The following DGLUCY variants were observed in gnomAD, a reference collection of about 807,000 sequenced individuals.
DGLUCY encodes D-glutamate cyclase, also known as D-glutamate cyclase, mitochondrial.
DGLUCY carries 58 observed loss-of-function variants against 58.5 expected under a neutral mutation model. The observed-to-expected ratio is 0.99, with a 90% CI of 0.80 to 1.23. DGLUCY has a LOEUF of 1.23. DGLUCY is among the 50% of genes most tolerant of loss of function. The pLI, the probability that DGLUCY is intolerant of heterozygous loss-of-function variation, is 0.00. For missense variants in DGLUCY, 779 were observed against 784.7 expected (o/e 0.99, Z 0.09); for synonymous variants, 325 against 314.1 (o/e 1.03, Z -0.37).
chr14:91,081,245 A>G (rs1011645528), intron 1 of DGLUCY, among the ~76,000 whole-genome samples: 5 of 152,324 alleles, frequency 3.3e-5, no homozygotes, highest in Middle Eastern at 3.4e-3. Context: ...GAGAATAATA[A>G]TGAGTAAGCC....
chr14:91,217,841 T>G (rs1270476788), intron 13 of DGLUCY, among the ~76,000 whole-genome samples: 1 of 152,144 alleles, frequency 6.6e-6, no homozygotes, highest in Non-Finnish European at 1.5e-5. Context: ...CCCTTTTTCC[T>G]TCTGTCTGTC....
chr14:91,116,176 T>TA lies in DGLUCY; in HGVS notation c.-82+1903dup, dbSNP rs539712961. 6.8e-4 allele frequency among the ~76,000 whole-genome samples: 102 copies of TA among 149,360 alleles called. No individual in the cohort carries two copies. In the South Asian group the frequency reaches 7.6e-3, roughly 11 times the overall value. ...CCAAGTTGCTAGAGGGTATTTGCAT[T>TA]AAAAAAAAAAGTTTATTTTCTTATT... On this transcript the variant is annotated intron_variant, in intron 1 of 13. Transcript: ENST00000256324.
intron 1 of DGLUCY, among the ~76,000 whole-genome samples, chr14:91,121,444 G>A (rs539285262): frequency 6.6e-6 from 1 of 151,936 alleles, no homozygotes; most frequent in Non-Finnish European, 1.5e-5. Flanking sequence ...ATCTCAGCAC[G>A]TTGGGAGGCC....
intron 8 of DGLUCY, among the ~76,000 whole-genome samples, chr14:91,185,035 T>A (rs2049415852): frequency 6.6e-6 from 1 of 151,942 alleles, no homozygotes; most frequent in Admixed American, 6.6e-5. Flanking sequence ...TGGTGTGATC[T>A]TGGCTCATTG....
In DGLUCY at chr14:91,160,314, T is replaced by C. The variant is rs915981144; in HGVS notation, c.20T>C (p.Leu7Pro). The C allele has an allele frequency of 6.2e-6, 10 of 1,611,460 alleles. No homozygotes were observed. The African/African-American group carries it at 1.3e-4, about 22-fold the overall frequency. Residue 7 changes from leucine to proline, a missense_variant, in exon 3 of 14, where the codon CTG (leucine) becomes CCG (proline). Physicochemically the swap from Leu to Pro is moderately conservative, Grantham distance 98 (BLOSUM62 -3). Coordinates refer to ENST00000256324, the MANE Select transcript of DGLUCY (RefSeq NM_001102368.3). ...GACACGATGCCCTTCACACTCCACC[T>C]GAGGTCCCGCCTTCCCTCTGCCATA... MPFTLH[L>P]RSRLPSAIRS...
In DGLUCY at chr14:91,122,609, T is replaced by TTTTG. The variant is rs1178953754; in HGVS notation, c.-82+8329_-82+8330insGTTT. On this transcript the variant is annotated intron_variant, in intron 1 of 13. Coordinates refer to ENST00000256324, the MANE Select transcript of DGLUCY (RefSeq NM_001102368.3). ...CTATAATAAAAGAAAAAAGTTTTTT[T>TTTTG]TTTTTTTTTTTGAGATAGAGTCTCA... Among the ~76,000 whole-genome samples, 31 of 133,568 alleles carry TTTTG rather than the reference T, an allele frequency of 2.3e-4. 4 individuals are homozygous for TTTTG. In the South Asian group the frequency reaches 6.1e-3, roughly 26 times the overall value. 87.6% of individuals were successfully genotyped at this position (133,568 alleles called of 152,430 possible).
Position 91,196,395 on chromosome 14 carries a change from C to A in DGLUCY, c.1216C>A (p.Pro406Thr), listed in dbSNP as rs1400272820. ...VEQGVLKTQI[P>T]ILTYQGGSVE... ...TCAAGGTGTTCTGAAGACGCAGATC[C>A]CGATATTAACTTACCAAGGTGGATC... Residue 406 changes from proline to threonine, a missense_variant, in exon 10 of 14, where the codon CCG becomes ACG. Coordinates refer to ENST00000256324, the MANE Select transcript of DGLUCY (RefSeq NM_001102368.3). The A allele has an allele frequency of 6.2e-7, 1 of 1,614,034 alleles. No homozygotes were observed. The highest frequency in any genetic ancestry group is 1.7e-5 in the Admixed American group (1 of 59,988).
chr14:91,149,032 G>C (rs2047163552), intron 1 of DGLUCY, among the ~76,000 whole-genome samples: 1 of 152,168 alleles, frequency 6.6e-6, no homozygotes, highest in Non-Finnish European at 1.5e-5. Flanking sequence ...TGGATCACCT[G>C]AGGTGGGGAG....
intron 1 of DGLUCY, among the ~76,000 whole-genome samples, chr14:91,068,079 G>GCGCACACACACACACACACACA (rs375738080): frequency 1.4e-5 from 2 of 146,342 alleles, no homozygotes; most frequent in Admixed American, 6.8e-5. Context: ...ACACGCGCAC[G>GCGCACACACACACACACACACA]CACACACACA....
chr14:91,200,108 C>T (rs61990146), intron 11 of DGLUCY, among the ~76,000 whole-genome samples: 18,411 of 152,142 alleles, frequency 0.12, 1,430 homozygotes, highest in Middle Eastern at 0.19. Flanking sequence ...GCATGCACCA[C>T]CACGCCTGGC....
chr14:91,219,993 G>A (rs1278785196), intron 13 of DGLUCY, among the ~76,000 whole-genome samples: 1 of 152,230 alleles, frequency 6.6e-6, no homozygotes, highest in Non-Finnish European at 1.5e-5. Context: ...CCCTCAGCCC[G>A]ATGGAGGCCT....
chr14:91,150,442 G>A (rs1174781935), intron 1 of DGLUCY, among the ~76,000 whole-genome samples: 4 of 151,918 alleles, frequency 2.6e-5, no homozygotes, highest in Non-Finnish European at 5.9e-5. Context: ...AACATTTAAT[G>A]TGAATGTTTC....
In DGLUCY at chr14:91,074,160, C is replaced by CACACACACACACAT. The variant is rs1453975330; in HGVS notation, c.-82+13457_-82+13458insCACACACACACATA. Among the ~76,000 whole-genome samples the CACACACACACACAT allele has an allele frequency of 3.6e-3, 484 of 136,016 alleles. 14 individuals carry two copies. The highest frequency in any genetic ancestry group is 8.5e-3 in the African/African-American group (286 of 33,726). The allele number at this position is 136,016 out of a possible 152,430, so 89.2% of individuals were successfully genotyped here. ...ACACACACACACACACACACACACA[C>CACACACACACACAT]AGTCAAGCACCTGTATTCCCAGCTA... On this transcript the variant is annotated intron_variant, in intron 1 of 4. Coordinates refer to the DGLUCY transcript ENST00000521334.
At chr14:91,099,860 C>T (rs979307300) in intron 1 of DGLUCY, among the ~76,000 whole-genome samples, 1 of 152,064 alleles carries the variant, frequency 6.6e-6, no homozygotes, top group Non-Finnish European at 1.5e-5. Context: ...TCCTCACCTT[C>T]GACATCCTCA....
At position 91,150,795 on chromosome 14, in the gene DGLUCY, T is replaced by G. The variant is rs191552668; in HGVS notation, c.-81-6844T>G. Among the ~76,000 whole-genome samples the G allele has an allele frequency of 6.7e-3, 1,025 of 152,342 alleles. 6 individuals carry two copies. Among genetic ancestry groups the G allele is most frequent in the Non-Finnish European group, 0.01 (709 of 68,032 alleles). On this transcript the variant is annotated intron_variant, in intron 1 of 13. Coordinates refer to ENST00000256324, the MANE Select transcript of DGLUCY (RefSeq NM_001102368.3). ...TTTAATTTAAAATTTTTATTATGGT[T>G]AAAAATATACAACATACAGTTTACC...
At chr14:91,151,698 A>G (rs539208101) in intron 1 of DGLUCY, among the ~76,000 whole-genome samples, 2 of 141,872 alleles carry the variant, frequency 1.4e-5, no homozygotes, top group East Asian at 2.0e-4. Context: ...TCTGTCACCC[A>G]GGCTGGAGTG....
intron 1 of DGLUCY, among the ~76,000 whole-genome samples, chr14:91,125,201 G>T (rs1315717135): frequency 6.6e-6 from 1 of 152,126 alleles, no homozygotes; most frequent in Non-Finnish European, 1.5e-5. Context: ...ACTGGCGAGT[G>T]TACCCTTTCT....
At chr14:91,161,088 C>T (rs1261484605) in intron 3 of DGLUCY, among the ~76,000 whole-genome samples, 4 of 152,200 alleles carry the variant, frequency 2.6e-5, no homozygotes, top group Non-Finnish European at 5.9e-5. Flanking sequence ...GTTGTTGAGA[C>T]GTAGTCTCGC....
intron 1 of DGLUCY, among the ~76,000 whole-genome samples, chr14:91,097,117 C>A (rs2044407586): frequency 6.6e-6 from 1 of 152,156 alleles, no homozygotes; most frequent in Non-Finnish European, 1.5e-5. Flanking sequence ...AAGTTTTAGG[C>A]TGGGGGCAGT....
Sources: gnomAD v4.1 joint callset for allele counts (sites outside exome capture counted in the v4.1 genomes callset) on GRCh38, gnomAD v4.1.1 for gene constraint, MANE v1.5 for transcripts, NCBI Gene and HGNC (gene_info 2026-07-23, HGNC 2026-07-21) for gene names.